Variants in C1orf198 observed in about 807,000 individuals in gnomAD.
The protein encoded by C1orf198 is uncharacterized protein C1orf198.
C1orf198 carries 17 observed loss-of-function variants against 31.4 expected under a neutral mutation model. That is an observed-to-expected ratio of 0.54 (90% CI 0.37 to 0.81). The LOEUF (loss-of-function observed/expected upper bound fraction) is 0.81. Ranked by LOEUF, C1orf198 falls within the 40% of genes least tolerant of loss-of-function variation. The pLI is 0.00. For missense variants in C1orf198, 401 were observed against 450.3 expected (o/e 0.89, Z 0.99); for synonymous variants, 175 against 193.8 (o/e 0.90, Z 0.81).
chr1:230,855,539 A>G, intron 2 of C1orf198, 129 bp downstream of exon 2: 1 of 963,582 alleles, frequency 1.0e-6, no homozygotes, highest in South Asian at 1.8e-5. Context: ...TCTACCAACA[A>G]TGGACACATC....
At chr1:230,855,745 T>C in intron 1 of C1orf198, 27 bp from the exon 2 acceptor site, 1 of 1,612,528 alleles carries the variant, frequency 6.2e-7, no homozygotes, top group Non-Finnish European at 8.5e-7. Flanking sequence ...AGAATAAGTC[T>C]GAAATTCAAA....
chr1:230,845,906 G>A (rs1316351284), intron 2 of C1orf198, among the ~76,000 whole-genome samples: 2 of 152,084 alleles, frequency 1.3e-5, no homozygotes, highest in Non-Finnish European at 2.9e-5. Context: ...CATGTGATTT[G>A]GGGTATTGCT....
At chr1:230,847,286 A>G (rs1402289616) in intron 2 of C1orf198, among the ~76,000 whole-genome samples, 1 of 151,782 alleles carries the variant, frequency 6.6e-6, no homozygotes, top group Non-Finnish European at 1.5e-5. Flanking sequence ...CTCAAAAAAA[A>G]AAAAAAGAAA....
In C1orf198 at chr1:230,839,683, T is replaced by C; in HGVS notation, c.*169A>G. On this transcript the variant is annotated 3_prime_UTR_variant, in exon 4 of 4. Coordinates refer to ENST00000366663, the MANE Select transcript of C1orf198 (RefSeq NM_032800.3). ...TGAAAATAGCATATATATCTGGTTC[T>C]ACCAAAAAAGAAAAAAATCTGGCAA... 1 of 596,066 alleles carries C rather than the reference T, an allele frequency of 1.7e-6. No individual in the cohort carries two copies. Among genetic ancestry groups the C allele is most frequent in the Non-Finnish European group, 2.9e-6 (1 of 349,836 alleles). 36.9% of individuals were successfully genotyped at this position (596,066 alleles called of 1,614,324 possible).
At chr1:230,854,937 C>A (rs759531449) in intron 2 of C1orf198, among the ~76,000 whole-genome samples, 4 of 152,204 alleles carry the variant, frequency 2.6e-5, no homozygotes, top group Admixed American at 1.3e-4. Context: ...AGGCTCACCA[C>A]CGTCTCTGTC....
rs554195668 is a variant in C1orf198 at position 230,843,853 on chromosome 1, G to A, written c.428C>T (p.Pro143Leu). ...FSISALSIQEPSNGTAASEPR... is the reference protein window; with the variant it reads ...FSISALSIQELSNGTAASEPR... Reference sequence around the variant, plus strand: ...CTCGCTGGCGGCGGTGCCGTTGCTCGGCTCCTGGATGGATAGGGCGGAGAT... The same window carrying A: ...CTCGCTGGCGGCGGTGCCGTTGCTCAGCTCCTGGATGGATAGGGCGGAGAT... The change falls in exon 3 of 4, where the codon CCG becomes CTG. Residue 143 changes from proline (P) to leucine (L), a missense_variant. By Grantham distance (98) the Pro-to-Leu change is moderately conservative. Transcript: ENST00000366663. This position sits in a 1 kb window ranked among gnomAD's most constrained non-coding sequence, Gnocchi z 4.9. The A allele has an allele frequency of 1.6e-5, 24 of 1,540,040 alleles. No homozygotes were observed. Among genetic ancestry groups the A allele is most frequent in the Middle Eastern group, 1.8e-4 (1 of 5,684 alleles).
chr1:230,851,409 A>G (rs1669739931), intron 2 of C1orf198, among the ~76,000 whole-genome samples: 1 of 152,176 alleles, frequency 6.6e-6, no homozygotes, highest in Admixed American at 6.5e-5. Flanking sequence ...GCAGGGCCTG[A>G]CCTGCCCCAA....
In C1orf198 at chr1:230,845,894, G is replaced by C. The variant is rs542974624; in HGVS notation, c.385-1998C>G. The stretch of plus-strand genomic sequence containing the variant: ...GTTTTATGAGGCTGTAGTTCTGTTG[G>C]GCATGTGATTTGGGGTATTGCTTTT... On this transcript the variant is annotated intron_variant, in intron 2 of 3. Coordinates refer to ENST00000366663, the MANE Select transcript of C1orf198 (RefSeq NM_032800.3). 1.6e-4 allele frequency among the ~76,000 whole-genome samples: 25 copies of C among 152,158 alleles called. No individual in the cohort carries two copies. In the South Asian group the frequency reaches 1.9e-3, roughly 11 times the overall value.
At position 230,843,475 on chromosome 1, in the gene C1orf198, T is replaced by C; in HGVS notation, c.806A>G (p.Gln269Arg). 1 of 1,611,404 alleles carries C rather than the reference T, an allele frequency of 6.2e-7. No individual in the cohort carries two copies. Among genetic ancestry groups the C allele is most frequent in the South Asian group, 1.1e-5 (1 of 90,500 alleles). Residue 269 changes from glutamine (Q) to arginine (R), a missense_variant, in exon 3 of 4, where the codon CAG becomes CGG. By Grantham distance (43) the Gln-to-Arg change is conservative. Coordinates refer to ENST00000366663, the MANE Select transcript of C1orf198 (RefSeq NM_032800.3). This position sits in a 1 kb window ranked among gnomAD's most constrained non-coding sequence, Gnocchi z 4.9. ...CTCGTGCAGTGCACTGCTGAAGGCC[T>C]GGACAGGCTGGGGTCTCTCACGTTC... Reference protein sequence around the residue: ...STERERPQPVQAFSSALHEAA... With the variant: ...STERERPQPVRAFSSALHEAA...
At chr1:230,849,553 C>G (rs1335464165) in intron 2 of C1orf198, among the ~76,000 whole-genome samples, 1 of 152,240 alleles carries the variant, frequency 6.6e-6, no homozygotes, top group Non-Finnish European at 1.5e-5. Flanking sequence ...GTCAGTCACC[C>G]CATGCGGGGA....
chr1:230,844,660 T>G (rs1265313709), intron 2 of C1orf198, among the ~76,000 whole-genome samples: 3 of 152,174 alleles, frequency 2.0e-5, no homozygotes, highest in African/African-American at 7.2e-5. Flanking sequence ...TTCTAGCACC[T>G]TCCTGGCAGG....
chr1:230,843,205 A>C lies in C1orf198; in HGVS notation c.927+149T>G, dbSNP rs1313996528. ...TATTTGTTGGTGGCTCAGCACCCTG[A>C]GCCTAGGCATCCTCTGAGGAAGAGG... On this transcript the variant is annotated intron_variant, in intron 3 of 3. Coordinates refer to ENST00000366663, the MANE Select transcript of C1orf198 (RefSeq NM_032800.3). This position sits in a 1 kb window ranked among gnomAD's most constrained non-coding sequence, Gnocchi z 4.9. The C allele has an allele frequency of 1.0e-6, 1 of 966,958 alleles. No homozygotes were observed. Among genetic ancestry groups the C allele is most frequent in the Admixed American group, 2.9e-5 (1 of 34,598 alleles). The allele number at this position is 966,958 out of a possible 1,614,324, so 59.9% of individuals were successfully genotyped here.
At chr1:230,859,426 G>A (rs934063276) in intron 1 of C1orf198, among the ~76,000 whole-genome samples, 2 of 152,090 alleles carry the variant, frequency 1.3e-5, no homozygotes, top group African/African-American at 2.4e-5. Context: ...TAGGCCACAC[G>A]ACAAGAGAGT....
At chr1:230,856,031 CAG>C in intron 1 of C1orf198, 1 of 1,107,602 alleles carries the variant, frequency 9.0e-7, no homozygotes, top group Non-Finnish European at 1.1e-6. Context: ...ATGGTCTCAG[CAG>C]AATCAGGCAC....
rs968287510 is a variant in C1orf198 at position 230,857,244 on chromosome 1, C to T, written c.334-1526G>A. 1.3e-5 allele frequency among the ~76,000 whole-genome samples: 2 copies of T among 152,292 alleles called. No individual in the cohort carries two copies. The highest frequency in any genetic ancestry group is 2.4e-5 in the African/African-American group (1 of 41,568). On this transcript the variant is annotated intron_variant, in intron 1 of 3. Transcript: ENST00000366663. This position sits in a 1 kb window ranked among gnomAD's most constrained non-coding sequence, Gnocchi z 4.2. ...ATGACTCCCCAGCACAGCCCAAGCACGGCCAACCCTAGATGACAGGGGCAA... is the reference window on the plus strand; with the variant it reads ...ATGACTCCCCAGCACAGCCCAAGCATGGCCAACCCTAGATGACAGGGGCAA...
chr1:230,855,853 G>C, intron 1 of C1orf198, 135 bp from the exon 2 acceptor site: 1 of 1,488,846 alleles, frequency 6.7e-7, no homozygotes, highest in East Asian at 2.3e-5. Flanking sequence ...CTGATGCTTT[G>C]ACACTCTCAA....
At position 230,857,778 on chromosome 1, in the gene C1orf198, CA is replaced by C. The variant is rs1436981362; in HGVS notation, c.334-2061del. 6.6e-6 allele frequency among the ~76,000 whole-genome samples: 1 copy of C among 152,082 alleles called. No homozygotes were observed. The highest frequency in any genetic ancestry group is 1.5e-5 in the Non-Finnish European group (1 of 68,006). On this transcript the variant is annotated intron_variant, in intron 1 of 3. Coordinates refer to ENST00000366663, the MANE Select transcript of C1orf198 (RefSeq NM_032800.3). The surrounding 1 kb of genome is among the most constrained non-coding windows in gnomAD (Gnocchi z 4.2). ...TACTAGGTATAAATATTAAGAATTA[CA>C]AAAGTGAGGGAAAAGCCCTACAAAC...
chr1:230,868,350 C>A lies in C1orf198; in HGVS notation c.163G>T (p.Gly55Trp), dbSNP rs780523580. ...QDKEKIREKY[G>W]PEWARLPPAQ... ...GGCGGCAGCCGCGCCCACTCGGGCC[C>A]GTACTTCTCGCGGATCTTCTCCTTG... Residue 55 changes from glycine (G) to tryptophan (W), a missense_variant, in exon 1 of 4, where the codon GGG (glycine) becomes TGG (tryptophan). Transcript: ENST00000366663. 1.3e-5 allele frequency: 20 copies of A among 1,597,036 alleles called. No homozygotes were observed. Among genetic ancestry groups the A allele is most frequent in the Non-Finnish European group, 1.7e-5 (20 of 1,172,706 alleles).
intron 2 of C1orf198, among the ~76,000 whole-genome samples, chr1:230,847,102 CAAAAAA>C (rs71179741): frequency 1.0e-4 from 7 of 69,692 alleles, no homozygotes; most frequent in Admixed American, 6.6e-4. Flanking sequence ...GACTCCGTCT[CAAAAAA>C]AAAAAAAAAA....
Sources: gnomAD v4.1 joint callset for allele counts (sites outside exome capture counted in the v4.1 genomes callset) on GRCh38, gnomAD v4.1.1 for gene constraint, Gnocchi (gnomAD v3.1) non-coding constraint, MANE v1.5 for transcripts, NCBI Gene and HGNC (gene_info 2026-07-23, HGNC 2026-07-21) for gene names.